Variants in FAM163B observed in about 807,000 individuals in gnomAD.
FAM163B encodes the protein family with sequence similarity 163 member B.
A neutral mutation model predicts 7.6 loss-of-function variants in FAM163B; 4 were observed. The observed-to-expected ratio is 0.52, with a 90% CI of 0.26 to 1.20. The LOEUF is 1.20. Ranked by LOEUF, FAM163B falls within the 50% of genes most tolerant of loss-of-function variation. FAM163B has a pLI of 0.14. For missense variants in FAM163B, 250 were observed against 243.0 expected, an observed-to-expected ratio of 1.03 and a Z score of -0.19; for synonymous variants, 120 against 111.6, an observed-to-expected ratio of 1.07 and a Z score of -0.47.
chr9:133,605,913 C>A (rs576547406), intron 1 of FAM163B, among the ~76,000 whole-genome samples: 1 of 152,314 alleles, frequency 6.6e-6, no homozygotes, highest in Admixed American at 6.5e-5. Flanking sequence ...CAGCTTCCTG[C>A]CTGCAGGGCC....
chr9:133,578,767 G>GC lies in FAM163B; in HGVS notation c.*254dup. 1 of 568,376 alleles carries GC rather than the reference G, an allele frequency of 1.8e-6. No individual in the cohort carries two copies. Among genetic ancestry groups the GC allele is most frequent in the Non-Finnish European group, 2.8e-6 (1 of 356,546 alleles). The allele number at this position is 568,376 out of a possible 1,614,324, so 35.2% of individuals were successfully genotyped here. On this transcript the variant is annotated 3_prime_UTR_variant, in exon 3 of 3. Coordinates refer to ENST00000673969, the MANE Select transcript of FAM163B (RefSeq NM_001080515.3). Reference sequence around the variant, plus strand: ...GCCTGAGAGCCCTGGTGCATGCCCAGCCGGCTGTATGGTCACCTGGTCCTT... The same window carrying GC: ...GCCTGAGAGCCCTGGTGCATGCCCAGCCCGGCTGTATGGTCACCTGGTCCTT...
chr9:133,590,266 C>CTCTCTCTCCTTCCTTCCTTTTTTCTTTT (rs1554728473), intron 1 of FAM163B, among the ~76,000 whole-genome samples: 2 of 141,156 alleles, frequency 1.4e-5, no homozygotes, highest in Non-Finnish European at 3.1e-5. Flanking sequence ...CTCCTTCCTT[C>CTCTCTCTCCTTCCTTCCTTTTTTCTTTT]CTTTTTTCTT....
At position 133,606,445 on chromosome 9, in the gene FAM163B, C is replaced by G. The variant is rs535084192; in HGVS notation, c.-24+2632G>C. 6.6e-6 allele frequency among the ~76,000 whole-genome samples: 1 copy of G among 152,314 alleles called. No homozygotes were observed. Among genetic ancestry groups the G allele is most frequent in the Non-Finnish European group, 1.5e-5 (1 of 68,014 alleles). ...AGTGTGGCAGCAGCTGGCAGAGAAGCCCCCCAGCCCCACCCTGGCCTCTGT... is the reference window on the plus strand; with the variant it reads ...AGTGTGGCAGCAGCTGGCAGAGAAGGCCCCCAGCCCCACCCTGGCCTCTGT... On this transcript the variant is annotated intron_variant, in intron 1 of 2. Transcript: ENST00000673969. This position sits in a 1 kb window ranked among gnomAD's most constrained non-coding sequence, Gnocchi z 4.0.
In FAM163B at chr9:133,578,860, A is replaced by ACGAG. The variant is rs1271817083; in HGVS notation, c.*158_*161dup. 7.5e-7 allele frequency: 1 copy of ACGAG among 1,341,714 alleles called. No individual in the cohort carries two copies. Among genetic ancestry groups the ACGAG allele is most frequent in the Non-Finnish European group, 9.8e-7 (1 of 1,020,122 alleles). 83.1% of individuals were successfully genotyped at this position (1,341,714 alleles called of 1,614,324 possible). On this transcript the variant is annotated 3_prime_UTR_variant, in exon 3 of 3. Transcript: ENST00000673969. ...GTGTTCAATGAGCCTTATCCCTGCC[A>ACGAG]CGAGCCTGGGGGCTCCCCAAGCCTG...
chr9:133,606,351 C>G lies in FAM163B; in HGVS notation c.-24+2726G>C, dbSNP rs1045128787. Among the ~76,000 whole-genome samples, 1 of 152,212 alleles carries G rather than the reference C, an allele frequency of 6.6e-6. No homozygotes were observed. Among genetic ancestry groups the G allele is most frequent in the Non-Finnish European group, 1.5e-5 (1 of 68,038 alleles). ...AGGGAGCTGGCAAACACTGAGGCCT[C>G]GGAACTCATCAAATCCCCTCTGGAG... On this transcript the variant is annotated intron_variant, in intron 1 of 2. Transcript: ENST00000673969. The surrounding 1 kb of genome is among the most constrained non-coding windows in gnomAD (Gnocchi z 4.0).
At chr9:133,605,850 C>A (rs1831782984) in intron 1 of FAM163B, among the ~76,000 whole-genome samples, 1 of 152,232 alleles carries the variant, frequency 6.6e-6, no homozygotes, top group South Asian at 2.1e-4. Flanking sequence ...ATGCTTGTCA[C>A]TTGCCCTCTT....
rs141377757 is a variant in FAM163B, at chr9:133,607,150, C to T, written c.-24+1927G>A. On this transcript the variant is annotated intron_variant, in intron 1 of 2. Coordinates refer to ENST00000673969, the MANE Select transcript of FAM163B (RefSeq NM_001080515.3). ...CTCCTCCCAGCTTTCCTACTCCATC[C>T]GGGGCTTAGATGAACAGAGCTGTAA... Among the ~76,000 whole-genome samples the T allele has an allele frequency of 9.4e-4, 143 of 152,266 alleles. 1 individual carries two copies. In the East Asian group the frequency reaches 0.025, roughly 27 times the overall value.
At chr9:133,585,903 G>A (rs1316740149) in intron 1 of FAM163B, 9 of 152,232 alleles carry the variant, frequency 5.9e-5, no homozygotes, top group Non-Finnish European at 7.3e-5. Context: ...GCGTCTCGTC[G>A]AGGGCTTATG....
At chr9:133,591,223 C>A (rs1438349216) in intron 1 of FAM163B, among the ~76,000 whole-genome samples, 3 of 152,254 alleles carry the variant, frequency 2.0e-5, no homozygotes, top group Non-Finnish European at 4.4e-5. Flanking sequence ...ACCTGCTATG[C>A]CCTGGCACTG....
chr9:133,586,564 G>A (rs1021065918), intron 1 of FAM163B, among the ~76,000 whole-genome samples: 1 of 152,240 alleles, frequency 6.6e-6, no homozygotes, highest in Non-Finnish European at 1.5e-5. Flanking sequence ...CCCAGCTGGA[G>A]AGCCCCCTGG....
intron 1 of FAM163B, among the ~76,000 whole-genome samples, chr9:133,589,587 T>C (rs1831504456): frequency 1.3e-5 from 2 of 151,602 alleles, no homozygotes; most frequent in African/African-American, 2.4e-5. Context: ...GAACCTGGTT[T>C]CCCACTGCAG....
At chr9:133,603,006 G>A (rs983591831) in intron 1 of FAM163B, among the ~76,000 whole-genome samples, 8 of 152,200 alleles carry the variant, frequency 5.3e-5, no homozygotes, top group South Asian at 2.1e-4. Flanking sequence ...ACTCCAGGGC[G>A]GAGGGGGGGC....
chr9:133,605,735 C>T (rs749982654), intron 1 of FAM163B, among the ~76,000 whole-genome samples: 3 of 152,190 alleles, frequency 2.0e-5, no homozygotes, highest in Non-Finnish European at 2.9e-5. Context: ...CCATCCCGAG[C>T]GTCCGGCGCT....
chr9:133,592,408 G>A (rs1271909894), intron 1 of FAM163B, among the ~76,000 whole-genome samples: 2 of 152,198 alleles, frequency 1.3e-5, no homozygotes, highest in African/African-American at 2.4e-5. Flanking sequence ...GAGGGAGGCC[G>A]AGGGTGTGTC....
At chr9:133,581,792 G>A (rs7470126) in intron 1 of FAM163B, among the ~76,000 whole-genome samples, 116,583 of 152,072 alleles carry the variant, frequency 0.77, 45,679 homozygotes, top group African/African-American at 0.93. Context: ...CAGGGGCCTG[G>A]TGTCTGCTGT....
chr9:133,589,672 G>A (rs1831507105), intron 1 of FAM163B, among the ~76,000 whole-genome samples: 1 of 152,114 alleles, frequency 6.6e-6, no homozygotes, highest in Admixed American at 6.5e-5. Context: ...TCAATGCAGT[G>A]GGGGCCGCGG....
At chr9:133,583,904 C>A (rs1588323035) in intron 1 of FAM163B, among the ~76,000 whole-genome samples, 1 of 152,224 alleles carries the variant, frequency 6.6e-6, no homozygotes, top group African/African-American at 2.4e-5. Flanking sequence ...GACAGACACA[C>A]ACTCCGCTGG....
At chr9:133,604,949 C>T (rs1009176296) in intron 1 of FAM163B, among the ~76,000 whole-genome samples, 1 of 152,246 alleles carries the variant, frequency 6.6e-6, no homozygotes, top group African/African-American at 2.4e-5. Context: ...GCCTGTTGCA[C>T]ACAGAAACTG....
chr9:133,585,386 C>T (rs1030287061), intron 1 of FAM163B, among the ~76,000 whole-genome samples: 10 of 152,354 alleles, frequency 6.6e-5, no homozygotes, highest in African/African-American at 1.9e-4. Flanking sequence ...TGCTAGTTTT[C>T]TGTCCCTCTT....
Sources: gnomAD v4.1 joint callset for allele counts (sites outside exome capture counted in the v4.1 genomes callset) on GRCh38, gnomAD v4.1.1 for gene constraint, Gnocchi (gnomAD v3.1) non-coding constraint, MANE v1.5 for transcripts, NCBI Gene and HGNC (gene_info 2026-07-23, HGNC 2026-07-21) for gene names.